PCDHGA8: variants seen among roughly 807,000 people sequenced by gnomAD.
PCDHGA8 encodes protocadherin gamma-A8.
Under a neutral mutation model 59.2 loss-of-function variants are expected in PCDHGA8, and 45 were observed. The ratio of observed to expected loss-of-function variants is 0.76; its 90% CI spans 0.60 to 0.98. The LOEUF is 0.98. Among genes scored for constraint, PCDHGA8 ranks in the 50% least tolerant of loss-of-function variants. The pLI, the probability that PCDHGA8 is intolerant of heterozygous loss-of-function variation, is 0.00. For missense variants in PCDHGA8, 1,257 were observed against 1,196.2 expected, an observed-to-expected ratio of 1.05 and a Z score of -0.75; for synonymous variants, 531 against 519.0, an observed-to-expected ratio of 1.02 and a Z score of -0.32.
Position 141,432,046 on chromosome 5 carries a change from C to G in PCDHGA8, c.2424+36809C>G, listed in dbSNP as rs1389286417. The G allele has an allele frequency of 6.2e-7, 1 of 1,614,224 alleles. No individual in the cohort carries two copies. The highest frequency in any genetic ancestry group is 2.2e-5 in the East Asian group (1 of 44,886). The stretch of plus-strand genomic sequence containing the variant: ...CAGTGACCGCCACTGACCGGGGAAC[C>G]CCGCCCCTATCCACGGAAACTCATA... On this transcript the variant is annotated intron_variant, in intron 1 of 3. Coordinates refer to ENST00000398604, the MANE Select transcript of PCDHGA8 (RefSeq NM_032088.2). This position sits in a 1 kb window ranked among gnomAD's most constrained non-coding sequence, Gnocchi z 6.0.
intron 1 of PCDHGA8, among the ~76,000 whole-genome samples, chr5:141,436,923 T>C (rs2097854286): frequency 6.6e-6 from 1 of 152,224 alleles, no homozygotes; most frequent in African/African-American, 2.4e-5. Flanking sequence ...GAGTGTTACT[T>C]TTTCTTTGTC....
intron 3 of PCDHGA8, among the ~76,000 whole-genome samples, chr5:141,509,320 C>A (rs1261653347): frequency 6.6e-6 from 1 of 152,194 alleles, no homozygotes; most frequent in Non-Finnish European, 1.5e-5. Flanking sequence ...GGGAGAGAAG[C>A]TCTACTGCCA....
intron 1 of PCDHGA8, chr5:141,399,280 G>T (rs750453381): frequency 6.2e-7 from 1 of 1,613,836 alleles, no homozygotes; most frequent in Non-Finnish European, 8.5e-7. Flanking sequence ...ATTACAAGGC[G>T]AAGTCCCTTT....
chr5:141,408,157 T>C (rs748693406), intron 1 of PCDHGA8: 70 of 1,514,372 alleles, frequency 4.6e-5, no homozygotes, highest in Non-Finnish European at 5.9e-5. Flanking sequence ...AGAGTGCACT[T>C]TCTCCAACTG....
At chr5:141,423,123 A>C in intron 1 of PCDHGA8, 1 of 1,613,760 alleles carries the variant, frequency 6.2e-7, no homozygotes. Flanking sequence ...CAGCGCGGGC[A>C]CTGCTGGACA....
intron 1 of PCDHGA8, among the ~76,000 whole-genome samples, chr5:141,460,173 A>C (rs2098983888): frequency 6.6e-6 from 1 of 152,004 alleles, no homozygotes; most frequent in Admixed American, 6.6e-5. Flanking sequence ...TATTTTGTGG[A>C]TATTTTATCC....
chr5:141,448,232 T>A (rs917554207), intron 1 of PCDHGA8, among the ~76,000 whole-genome samples: 1 of 152,094 alleles, frequency 6.6e-6, no homozygotes, highest in Admixed American at 6.6e-5. Context: ...ATGTGTGGGG[T>A]TTTCTTTGCA....
At chr5:141,415,478 GA>G (rs1209443921) in intron 1 of PCDHGA8, 2 of 1,613,964 alleles carry the variant, frequency 1.2e-6, no homozygotes, top group Non-Finnish European at 1.7e-6. Context: ...GCGGACTCGC[GA>G]AAGAGTCACC....
intron 1 of PCDHGA8, chr5:141,475,832 T>C: frequency 2.4e-6 from 1 of 410,610 alleles, no homozygotes; most frequent in Non-Finnish European, 4.4e-6. Flanking sequence ...CTAGCGCGTG[T>C]CCTGCTCAGA....
In PCDHGA8 at chr5:141,485,037, C is replaced by T. The variant is rs2099605532; in HGVS notation, c.2425-9770C>T. 1.0e-5 allele frequency: 7 copies of T among 702,746 alleles called. No individual in the cohort carries two copies. Among genetic ancestry groups the T allele is most frequent in the Non-Finnish European group, 1.5e-5 (6 of 402,836 alleles). 43.5% of individuals were successfully genotyped at this position (702,746 alleles called of 1,614,324 possible). A position where few individuals can be genotyped will look rare whatever the true frequency, so the allele number is the denominator to read the frequency against. ...GCCACCAGCAAAAACGGCGCGTAAC[C>T]CTTGCGGCGCCGGCCGAACCGCGCC... is the stretch of plus-strand genomic sequence containing the variant. On this transcript the variant is annotated intron_variant, in intron 1 of 3. Transcript: ENST00000398604. The surrounding 1 kb of genome is among the most constrained non-coding windows in gnomAD (Gnocchi z 5.7).
chr5:141,394,941 G>C lies in PCDHGA8; in HGVS notation c.2128G>C (p.Val710Leu), dbSNP rs1238884149. The C allele has an allele frequency of 3.1e-6, 5 of 1,613,748 alleles. No individual in the cohort carries two copies. The East Asian group carries it at 1.1e-4, about 36-fold the overall frequency. The change falls in exon 1 of 4, where the codon GTG (valine) becomes CTG (leucine). Residue 710 changes from valine (V) to leucine (L), a missense_variant. Val to Leu is a conservative substitution (Grantham distance 32). Coordinates refer to ENST00000398604, the MANE Select transcript of PCDHGA8 (RefSeq NM_032088.2). Reference sequence around the variant, plus strand: ...CTGTGTCTTCCTCGCCTTTGTCGCTGTGCTTCTGGGGCTCAGGCTGAGGCG... The same window carrying C: ...CTGTGTCTTCCTCGCCTTTGTCGCTCTGCTTCTGGGGCTCAGGCTGAGGCG... ...ISCVFLAFVA[V>L]LLGLRLRRWH... is the part of the protein sequence containing the mutation.
In PCDHGA8 at chr5:141,477,955, C is replaced by T. The variant is rs748233998; in HGVS notation, c.2425-16852C>T. The T allele has an allele frequency of 3.7e-6, 6 of 1,614,004 alleles. No homozygotes were observed. Among genetic ancestry groups the T allele is most frequent in the Admixed American group, 3.3e-5 (2 of 59,988 alleles). On this transcript the variant is annotated intron_variant, in intron 1 of 3. Transcript: ENST00000398604. This position sits in a 1 kb window ranked among gnomAD's most constrained non-coding sequence, Gnocchi z 4.9. ...GGCTCTCCTACAGTCTCTTGGGATCCCCTAACCAGAGCCTTTTTGCCATAG... is the reference window on the plus strand; with the variant it reads ...GGCTCTCCTACAGTCTCTTGGGATCTCCTAACCAGAGCCTTTTTGCCATAG...
intron 1 of PCDHGA8, chr5:141,413,527 G>A (rs768496934): frequency 1.2e-6 from 2 of 1,613,938 alleles, no homozygotes; most frequent in Non-Finnish European, 1.7e-6. Flanking sequence ...GGAAGACAGG[G>A]TGAAACTTTT....
At position 141,394,267 on chromosome 5, in the gene PCDHGA8, C is replaced by T. The variant is rs563732311; in HGVS notation, c.1454C>T (p.Ala485Val). 1.2e-5 allele frequency: 19 copies of T among 1,613,926 alleles called. No individual in the cohort carries two copies. In the South Asian group the frequency reaches 2.0e-4, roughly 17 times the overall value. Residue 485 changes from alanine (A) to valine (V), a missense_variant, in exon 1 of 4, where the codon GCC becomes GTC. Physicochemically the swap from Ala to Val is moderately conservative, Grantham distance 64. Transcript: ENST00000398604. Reference protein sequence around the residue: ...TAHDPDSQENAQVTYSVTEDT... With the variant: ...TAHDPDSQENVQVTYSVTEDT... The stretch of plus-strand genomic sequence containing the variant: ...CACGACCCCGACAGCCAGGAGAATG[C>T]CCAGGTCACTTACTCTGTGACCGAG...
In PCDHGA8 at chr5:141,409,398, A is replaced by G. The variant is rs186373896; in HGVS notation, c.2424+14161A>G. On this transcript the variant is annotated intron_variant, in intron 1 of 3. Transcript: ENST00000398604. Reference sequence around the variant, plus strand: ...CCATTCAAGATTTATTCTTCTTCCAATAACTACTACAAACTGGTGACAGAT... The same window carrying G: ...CCATTCAAGATTTATTCTTCTTCCAGTAACTACTACAAACTGGTGACAGAT... 9.6e-5 allele frequency: 155 copies of G among 1,614,050 alleles called. No individual in the cohort carries two copies. In the African/African-American group the frequency reaches 1.5e-3, roughly 16 times the overall value.
At chr5:141,440,868 T>A (rs1288344051) in intron 1 of PCDHGA8, 1 of 152,150 alleles carries the variant, frequency 6.6e-6, no homozygotes, top group East Asian at 1.9e-4. Flanking sequence ...ATCTAGGATG[T>A]GTACAGCGTC....
intron 3 of PCDHGA8, among the ~76,000 whole-genome samples, chr5:141,506,441 T>C (rs1940889203): frequency 9.8e-6 from 1 of 101,930 alleles, no homozygotes; most frequent in South Asian, 3.0e-4. Flanking sequence ...TCTCGCTCTG[T>C]CTCAAAAAAA....
Position 141,431,420 on chromosome 5 carries a change from G to C in PCDHGA8, c.2424+36183G>C, listed in dbSNP as rs780266425. The C allele has an allele frequency of 8.1e-6, 13 of 1,613,592 alleles. No individual in the cohort carries two copies. Among genetic ancestry groups the C allele is most frequent in the East Asian group, 2.2e-5 (1 of 44,902 alleles). ...TACGGCCTCCGACGGGGGCGACCCG[G>C]TGCGCACAGGCACCGCGCGCATCCG... is the stretch of plus-strand genomic sequence containing the variant. On this transcript the variant is annotated intron_variant, in intron 1 of 3. Transcript: ENST00000398604. This position sits in a 1 kb window ranked among gnomAD's most constrained non-coding sequence, Gnocchi z 4.8.
intron 3 of PCDHGA8, among the ~76,000 whole-genome samples, chr5:141,510,054 G>A (rs1166696269): frequency 1.3e-5 from 2 of 152,180 alleles, no homozygotes; most frequent in Non-Finnish European, 2.9e-5. Context: ...AAAAGTGATT[G>A]TGCATGTGAA....
Sources: gnomAD v4.1 joint callset for allele counts (sites outside exome capture counted in the v4.1 genomes callset) on GRCh38, gnomAD v4.1.1 for gene constraint, Gnocchi (gnomAD v3.1) non-coding constraint, MANE v1.5 for transcripts, NCBI Gene and HGNC (gene_info 2026-07-23, HGNC 2026-07-21) for gene names.